VPS39: variants seen among roughly 807,000 people sequenced by gnomAD.
VPS39 encodes the protein VPS39 subunit of HOPS complex.
Under a neutral mutation model 121.0 loss-of-function variants are expected in VPS39, and 70 were observed. The observed-to-expected ratio is 0.58, with a 90% CI of 0.48 to 0.71. The LOEUF (loss-of-function observed/expected upper bound fraction) is 0.71. Ranked by LOEUF, VPS39 falls within the 30% of genes least tolerant of loss-of-function variation. The pLI, the probability that VPS39 is intolerant of heterozygous loss-of-function variation, is 0.00. For missense variants in VPS39, 818 were observed against 1,051.5 expected, an observed-to-expected ratio of 0.78 and a Z score of 3.07; for synonymous variants, 378 against 398.1, an observed-to-expected ratio of 0.95 and a Z score of 0.60.
rs529405366 is a variant in VPS39 at position 42,165,912 on chromosome 15, G to A, written c.1681-96C>T. The A allele has an allele frequency of 1.3e-4, 155 of 1,214,086 alleles. No homozygotes were observed. In the South Asian group the frequency reaches 1.9e-3, roughly 15 times the overall value. 75.2% of individuals were successfully genotyped at this position (1,214,086 alleles called of 1,614,324 possible). A position where few individuals can be genotyped will look rare whatever the true frequency, so the allele number is the denominator to read the frequency against. On this transcript the variant is annotated intron_variant, in intron 16 of 24. Transcript: ENST00000318006. ...GAGCGCAGGGATCAAACAGACTTTA[G>A]GAGGGCAAGGGTACGAGAAGGCATC...
At chr15:42,169,997 T>C in intron 11 of VPS39, 131 bp from the exon 12 acceptor site, 1 of 1,071,760 alleles carries the variant, frequency 9.3e-7, no homozygotes, top group Non-Finnish European at 1.3e-6. Context: ...TCTCAGTTCA[T>C]AAACATTCAA....
rs1354432563 is a variant in VPS39 at position 42,159,170 on chromosome 15, C to G, written c.*1584G>C. The G allele has an allele frequency of 6.6e-6, 1 of 152,298 alleles. No homozygotes were observed. Among genetic ancestry groups the G allele is most frequent in the Non-Finnish European group, 1.5e-5 (1 of 68,092 alleles). 9.4% of individuals were successfully genotyped at this position (152,298 alleles called of 1,614,324 possible). On this transcript the variant is annotated 3_prime_UTR_variant, in exon 25 of 25. Coordinates refer to ENST00000318006, the MANE Select transcript of VPS39 (RefSeq NM_015289.5). Reference sequence around the variant, plus strand: ...CCAGCCTCACAGGCCTGAGCAGAGTCTCCCACATCTGCGAATGGGGCCAAT... The same window carrying G: ...CCAGCCTCACAGGCCTGAGCAGAGTGTCCCACATCTGCGAATGGGGCCAAT...
intron 1 of VPS39, among the ~76,000 whole-genome samples, chr15:42,200,294 T>C: frequency 6.6e-6 from 1 of 152,024 alleles, no homozygotes; most frequent in East Asian, 1.9e-4. Context: ...ATTATTATGA[T>C]TTTTATTTTT....
At chr15:42,195,758 G>C (rs576620905) in intron 2 of VPS39, among the ~76,000 whole-genome samples, 2 of 152,252 alleles carry the variant, frequency 1.3e-5, no homozygotes, top group African/African-American at 4.8e-5. Context: ...AGGTAATTTA[G>C]AGATTCAATG....
chr15:42,162,218 T>C (rs2049143155), intron 22 of VPS39, 52 bp from the exon 23 acceptor site: 1 of 1,610,804 alleles, frequency 6.2e-7, no homozygotes, highest in Non-Finnish European at 8.5e-7. Context: ...GGAGTGAGAA[T>C]GAAGAAATGT....
At chr15:42,161,580 G>T in intron 24 of VPS39, 102 bp downstream of exon 24, 1 of 1,191,700 alleles carries the variant, frequency 8.4e-7, no homozygotes, top group Non-Finnish European at 1.3e-6. Context: ...CAGCAGCCAT[G>T]TTCTCCTTCT....
chr15:42,199,522 AT>A (rs758043150), intron 2 of VPS39: 41 of 443,098 alleles, frequency 9.3e-5, no homozygotes, highest in Admixed American at 1.9e-4. Context: ...ATGTTGCCTA[AT>A]TTTTTTTCCT....
At chr15:42,181,350 T>A (rs918422934) in intron 8 of VPS39, among the ~76,000 whole-genome samples, 1 of 152,120 alleles carries the variant, frequency 6.6e-6, no homozygotes, top group African/African-American at 2.4e-5. Context: ...ATCTAGAAGA[T>A]GTCAAATTCA....
chr15:42,195,267 C>T (rs1328849413), intron 2 of VPS39, among the ~76,000 whole-genome samples: 1 of 152,106 alleles, frequency 6.6e-6, no homozygotes, highest in African/African-American at 2.4e-5. Flanking sequence ...ATGGTGAAAC[C>T]CTGTCTCTAA....
intron 8 of VPS39, among the ~76,000 whole-genome samples, chr15:42,181,853 C>T (rs1045244251): frequency 2.0e-5 from 3 of 152,054 alleles, no homozygotes; most frequent in Admixed American, 6.6e-5. Flanking sequence ...GGAATATATG[C>T]GTACAGCACG....
In VPS39 at chr15:42,178,450, C is replaced by T. The variant is rs767221909; in HGVS notation, c.839G>A (p.Gly280Glu). Residue 280 changes from glycine to glutamate, a missense_variant and splice_region_variant, in exon 9 of 25, where the codon GGA becomes GAA. Transcript: ENST00000318006. The stretch of plus-strand genomic sequence containing the variant: ...CATAGCAAAAAAAGAAATTCCTTAC[C>T]CTCCTGAGGTAATGAAACGGGGCCT... ...LQRPRFITSG[G>E]SNIIYVASNH... is the part of the protein sequence containing the mutation. 1.2e-6 allele frequency: 2 copies of T among 1,614,134 alleles called. No individual in the cohort carries two copies. Among genetic ancestry groups the T allele is most frequent in the Admixed American group, 3.3e-5 (2 of 60,022 alleles).
At chr15:42,172,426 G>T (rs1175147959) in intron 11 of VPS39, among the ~76,000 whole-genome samples, 1 of 152,188 alleles carries the variant, frequency 6.6e-6, no homozygotes, top group African/African-American at 2.4e-5. Flanking sequence ...AACTGCAACT[G>T]CCTGAGAGAT....
intron 2 of VPS39, among the ~76,000 whole-genome samples, chr15:42,192,771 TG>T (rs1215355462): frequency 6.8e-6 from 1 of 146,924 alleles, no homozygotes; most frequent in East Asian, 2.0e-4. Context: ...CTTATTTTTT[TG>T]TTTTGTTTTG....
At chr15:42,175,161 C>A (rs1225342446) in intron 10 of VPS39, among the ~76,000 whole-genome samples, 1 of 152,140 alleles carries the variant, frequency 6.6e-6, no homozygotes, top group Non-Finnish European at 1.5e-5. Context: ...CGCCTGTAAT[C>A]CCAGAACTTT....
intron 19 of VPS39, 84 bp from the exon 20 acceptor site, chr15:42,163,812 G>A (rs1010517606): frequency 2.8e-5 from 25 of 904,802 alleles, no homozygotes; most frequent in East Asian, 8.0e-5. Flanking sequence ...GAGTGGACAC[G>A]AGGCAATATA....
intron 10 of VPS39, among the ~76,000 whole-genome samples, chr15:42,174,117 C>T (rs1358004724): frequency 1.3e-5 from 2 of 151,932 alleles, no homozygotes; most frequent in Admixed American, 6.6e-5. Flanking sequence ...CGTGGTGGCA[C>T]GTGCCTGTAG....
At chr15:42,192,764 A>AT (rs1223905483) in intron 2 of VPS39, among the ~76,000 whole-genome samples, 5 of 149,560 alleles carry the variant, frequency 3.3e-5, no homozygotes, top group South Asian at 4.3e-4. Context: ...CTCTTTTCTT[A>AT]TTTTTTTGTT....
chr15:42,201,347 T>A (rs1033163779), intron 1 of VPS39, among the ~76,000 whole-genome samples: 7 of 152,086 alleles, frequency 4.6e-5, no homozygotes, highest in Admixed American at 1.3e-4. Flanking sequence ...AGCTATTTTT[T>A]AAAAAATGTT....
rs1246882997 is a variant in VPS39, at chr15:42,161,145, T to C, written c.2553-316A>G. Reference sequence around the variant, plus strand: ...GCCCTGGCTTCCTGAGAGCCAACAATGTTCATCAGAACAGGTTTCAGGCTA... The same window carrying C: ...GCCCTGGCTTCCTGAGAGCCAACAACGTTCATCAGAACAGGTTTCAGGCTA... On this transcript the variant is annotated intron_variant, in intron 24 of 24. Transcript: ENST00000318006. 1.3e-5 allele frequency: 5 copies of C among 377,496 alleles called. No individual in the cohort carries two copies. The East Asian group carries it at 1.6e-4, about 12-fold the overall frequency. 23.4% of individuals were successfully genotyped at this position (377,496 alleles called of 1,614,324 possible). A position where few individuals can be genotyped will look rare whatever the true frequency, so the allele number is the denominator to read the frequency against.
Sources: gnomAD v4.1 joint callset for allele counts (sites outside exome capture counted in the v4.1 genomes callset) on GRCh38, gnomAD v4.1.1 for gene constraint, MANE v1.5 for transcripts, NCBI Gene and HGNC (gene_info 2026-07-23, HGNC 2026-07-21) for gene names.